The following MTRF1 variants were observed in gnomAD, a reference collection of about 807,000 sequenced individuals.
MTRF1 encodes the protein mitochondrial translation release factor 1.
MTRF1 carries 51 observed loss-of-function variants against 62.9 expected under a neutral mutation model. That is an observed-to-expected ratio of 0.81 (90% CI 0.65 to 1.02). The LOEUF is 1.02. Ranked by LOEUF, MTRF1 falls within the 50% of genes least tolerant of loss-of-function variation. The probability of loss-of-function intolerance (pLI) is 0.00; values close to 1 mark genes in which losing one functional copy is unlikely to be tolerated. For missense variants in MTRF1, 446 were observed against 530.0 expected, an observed-to-expected ratio of 0.84 and a Z score of 1.56; for synonymous variants, 158 against 181.9, an observed-to-expected ratio of 0.87 and a Z score of 1.06.
chr13:41,237,953 C>T (rs1216743263), intron 6 of MTRF1, among the ~76,000 whole-genome samples: 1 of 151,956 alleles, frequency 6.6e-6, no homozygotes, highest in African/African-American at 2.4e-5. Flanking sequence ...GATTATGAAA[C>T]AAGATTTTTT....
At chr13:41,230,592 A>G (rs2035361180) in intron 7 of MTRF1, among the ~76,000 whole-genome samples, 1 of 141,398 alleles carries the variant, frequency 7.1e-6, no homozygotes, top group Non-Finnish European at 1.5e-5. Flanking sequence ...ACAGTTTCCT[A>G]TGGAATAAAA....
intron 1 of MTRF1, chr13:41,262,107 C>G (rs9590579): frequency 6.6e-6 from 1 of 151,722 alleles, no homozygotes; most frequent in Admixed American, 6.6e-5. Context: ...GAGGCCGAGG[C>G]GGGCAGATCA....
the MTRF1 span, among the ~76,000 whole-genome samples, chr13:41,270,379 A>G: frequency 6.6e-6 from 1 of 152,170 alleles, no homozygotes. Context: ...TCTTCAGTTA[A>G]TTAATTAGAG....
chr13:41,260,509 T>G lies in MTRF1; in HGVS notation c.399A>C (p.Leu133Phe), dbSNP rs752506978. 1.2e-6 allele frequency: 2 copies of G among 1,613,014 alleles called. No homozygotes were observed. The highest frequency in any genetic ancestry group is 2.2e-5 in the South Asian group (2 of 91,024). ...TTTACCTACTTTTACACATTGATTC[T>G]AATTCTTCAATTGCTTGTTCAGTCT... is the stretch of plus-strand genomic sequence containing the variant. ...IQETEQAIEELESMCKSLNKQ... is the reference protein window; with the variant it reads ...IQETEQAIEEFESMCKSLNKQ... The change falls in exon 2 of 10, where the codon TTA becomes TTC. Residue 133 changes from leucine (L) to phenylalanine (F), a missense_variant. Leu to Phe is a conservative substitution (Grantham distance 22, BLOSUM62 0). Transcript: ENST00000379480.
At chr13:41,300,349 G>A in the MTRF1 span, among the ~76,000 whole-genome samples, 1 of 152,176 alleles carries the variant, frequency 6.6e-6, no homozygotes, top group South Asian at 2.1e-4. Flanking sequence ...CACTTTGGGA[G>A]GCCGAGGCGG....
intron 7 of MTRF1, among the ~76,000 whole-genome samples, chr13:41,228,210 G>C (rs1171047024): frequency 6.6e-6 from 1 of 152,120 alleles, no homozygotes; most frequent in African/African-American, 2.4e-5. Flanking sequence ...TTCTATAGAG[G>C]AGTATTTAAT....
chr13:41,219,111 TG>T, intron 9 of MTRF1, among the ~76,000 whole-genome samples: 1 of 101,686 alleles, frequency 9.8e-6, no homozygotes, highest in South Asian at 3.6e-4. Context: ...GCCAACATGG[TG>T]AAACCCCGTC....
At chr13:41,273,872 T>C in the MTRF1 span, among the ~76,000 whole-genome samples, 1 of 148,202 alleles carries the variant, frequency 6.7e-6, no homozygotes, top group African/African-American at 2.7e-5. Flanking sequence ...TGAACACTGA[T>C]TTGGTCTGGT....
At chr13:41,302,460 T>C in the MTRF1 span, among the ~76,000 whole-genome samples, 2 of 152,238 alleles carry the variant, frequency 1.3e-5, no homozygotes, top group East Asian at 1.9e-4. Context: ...AGCGTGGCTA[T>C]ATTTGGGGAA....
chr13:41,252,943 A>C lies in MTRF1; in HGVS notation c.589+6T>G, dbSNP rs372921996. ...ATCATTTAAATAATAAAGTAAGTTT[A>C]CTGACCTCCAGTAGTCCTTCCAGCT... is the stretch of plus-strand genomic sequence containing the variant. On this transcript the variant is annotated splice_donor_region_variant and intron_variant, in intron 4 of 9. Transcript: ENST00000379480. 3 of 1,580,138 alleles carry C rather than the reference A, an allele frequency of 1.9e-6. No homozygotes were observed. The highest frequency in any genetic ancestry group is 2.7e-5 in the African/African-American group (2 of 73,422).
chr13:41,233,580 T>C (rs2035973444), intron 7 of MTRF1, among the ~76,000 whole-genome samples: 1 of 152,236 alleles, frequency 6.6e-6, no homozygotes. Flanking sequence ...ATATCCACGG[T>C]GGTGGCCTGT....
chr13:41,244,797 G>A (rs2038023137), intron 5 of MTRF1, among the ~76,000 whole-genome samples: 1 of 152,138 alleles, frequency 6.6e-6, no homozygotes, highest in African/African-American at 2.4e-5. Context: ...GTGTTGAGAT[G>A]ACAACAACCC....
chr13:41,263,747 A>G (rs923167360), upstream of MTRF1, among the ~76,000 whole-genome samples: 7 of 129,044 alleles, frequency 5.4e-5, no homozygotes, highest in African/African-American at 2.0e-4. Context: ...TCATCAGACA[A>G]CCGCCCCCGC....
chr13:41,278,838 C>T, the MTRF1 span, among the ~76,000 whole-genome samples: 1 of 152,146 alleles, frequency 6.6e-6, no homozygotes, highest in East Asian at 1.9e-4. Context: ...TCTGAATGGA[C>T]CCCTCCTCTG....
intron 1 of MTRF1, chr13:41,263,197 T>A (rs1183444568): frequency 1.7e-6 from 2 of 1,153,392 alleles, no homozygotes; most frequent in Non-Finnish European, 2.3e-6. Context: ...GTAGAATGCA[T>A]AATTTTCAAG....
intron 5 of MTRF1, among the ~76,000 whole-genome samples, chr13:41,250,988 T>G (rs2038990781): frequency 6.6e-6 from 1 of 152,186 alleles, no homozygotes; most frequent in African/African-American, 2.4e-5. Flanking sequence ...CAGCTCTGGA[T>G]CAAACAGACT....
intron 9 of MTRF1, among the ~76,000 whole-genome samples, chr13:41,222,835 T>G (rs2033669588): frequency 6.6e-6 from 1 of 152,202 alleles, no homozygotes; most frequent in South Asian, 2.1e-4. Flanking sequence ...TTCAGCCTTG[T>G]GAGATCCTGA....
chr13:41,256,448 T>C (rs2039736104), intron 2 of MTRF1, among the ~76,000 whole-genome samples: 1 of 151,808 alleles, frequency 6.6e-6, no homozygotes, highest in African/African-American at 2.4e-5. Context: ...TGCCTCAGCC[T>C]CCCGAGTAGT....
chr13:41,289,308 G>A, the MTRF1 span, among the ~76,000 whole-genome samples: 1 of 147,770 alleles, frequency 6.8e-6, no homozygotes, highest in Admixed American at 6.9e-5. Flanking sequence ...TGCAATCTCA[G>A]CTCACTGCAC....
Sources: gnomAD v4.1 joint callset for allele counts (sites outside exome capture counted in the v4.1 genomes callset) on GRCh38, gnomAD v4.1.1 for gene constraint, MANE v1.5 for transcripts, NCBI Gene and HGNC (gene_info 2026-07-23, HGNC 2026-07-21) for gene names.